The following MYO5B variants were observed in gnomAD, a reference collection of about 807,000 sequenced individuals.
MYO5B encodes the protein myosin VB, also known as unconventional myosin-Vb.
A neutral mutation model predicts 229.3 loss-of-function variants in MYO5B; 143 were observed. That is an observed-to-expected ratio of 0.62 (90% confidence interval 0.54 to 0.72). MYO5B has a LOEUF of 0.72. Among genes scored for constraint, MYO5B ranks in the 30% least tolerant of loss-of-function variants. The pLI, the probability that MYO5B is intolerant of heterozygous loss-of-function variation, is 0.00. For synonymous variants in MYO5B, 918 were observed against 885.2 expected (o/e 1.04, Z -0.66); for missense variants, 2,321 against 2,331.0 (o/e 1.00, Z 0.09).
At position 50,122,633 on chromosome 18, in the gene MYO5B, GGGAGAGAGAGA is replaced by G. The variant is rs1240840736; in HGVS notation, c.28-67266_28-67256del. ...AAGAGAGGGAGGGAGGGAAGGGGGG[GGGAGAGAGAGA>G]GAGAGAGAGAGAGAGAGAGAGAGAG... On this transcript the variant is annotated intron_variant, in intron 1 of 39. Transcript: ENST00000285039. 2.6e-4 allele frequency among the ~76,000 whole-genome samples: 14 copies of G among 53,752 alleles called. 1 individual carries two copies. Among genetic ancestry groups the G allele is most frequent in the African/African-American group, 1.1e-3 (14 of 13,086 alleles). 35.3% of individuals were successfully genotyped at this position (53,752 alleles called of 152,430 possible). A position where few individuals can be genotyped will look rare whatever the true frequency, so the allele number is the denominator to read the frequency against.
chr18:49,857,965 G>C (rs2024282684), intron 29 of MYO5B, among the ~76,000 whole-genome samples: 1 of 152,212 alleles, frequency 6.6e-6, no homozygotes, highest in African/African-American at 2.4e-5. Context: ...TTTCCAGGCA[G>C]GAATAATGGA....
intron 1 of MYO5B, among the ~76,000 whole-genome samples, chr18:50,067,689 T>C (rs1338107472): frequency 2.0e-5 from 3 of 152,170 alleles, no homozygotes; most frequent in Admixed American, 6.5e-5. Flanking sequence ...TCTCTTGCCA[T>C]GTGATCTCCA....
chr18:50,110,660 T>C (rs1417160632), intron 1 of MYO5B, among the ~76,000 whole-genome samples: 16 of 152,230 alleles, frequency 1.1e-4, no homozygotes, highest in African/African-American at 3.6e-4. Context: ...ATGCAGAATG[T>C]TGAAGTATAG....
At position 49,858,464 on chromosome 18, in the gene MYO5B, G is replaced by C. The variant is rs201225451; in HGVS notation, c.3945-1574C>G. On this transcript the variant is annotated intron_variant, in intron 29 of 39. Transcript: ENST00000285039. Reference sequence around the variant, plus strand: ...ACACCAGAGAGACACTGACTCCTGCGCCAGGACCCAGGGTCTCCAGACCTT... The same window carrying C: ...ACACCAGAGAGACACTGACTCCTGCCCCAGGACCCAGGGTCTCCAGACCTT... Among the ~76,000 whole-genome samples, 13 of 152,292 alleles carry C rather than the reference G, an allele frequency of 8.5e-5. No individual in the cohort carries two copies. The East Asian group carries it at 1.7e-3, about 20-fold the overall frequency.
chr18:50,015,883 T>C (rs1349864129), intron 4 of MYO5B, among the ~76,000 whole-genome samples: 1 of 152,248 alleles, frequency 6.6e-6, no homozygotes, highest in African/African-American at 2.4e-5. Flanking sequence ...TGGTAAGGGC[T>C]GATCTGGAAC....
intron 1 of MYO5B, among the ~76,000 whole-genome samples, chr18:50,063,203 C>A (rs1216230411): frequency 6.6e-6 from 1 of 152,064 alleles, no homozygotes; most frequent in Non-Finnish European, 1.5e-5. Flanking sequence ...GAGTTAACTC[C>A]TCCTCCCCCA....
At chr18:49,933,104 C>T (rs1598892460) in intron 16 of MYO5B, among the ~76,000 whole-genome samples, 1 of 152,214 alleles carries the variant, frequency 6.6e-6, no homozygotes, top group South Asian at 2.1e-4. Context: ...CAATTGCCCG[C>T]CATGGAATTG....
chr18:49,920,385 G>T (rs1365415726), intron 17 of MYO5B, among the ~76,000 whole-genome samples: 1 of 152,148 alleles, frequency 6.6e-6, no homozygotes, highest in East Asian at 1.9e-4. Flanking sequence ...CAAGTTTTCA[G>T]CTCTGAAACT....
intron 22 of MYO5B, among the ~76,000 whole-genome samples, chr18:49,892,254 C>T (rs149624854): frequency 2.0e-5 from 3 of 152,318 alleles, no homozygotes; most frequent in Non-Finnish European, 4.4e-5. Context: ...CCCGTGGAAG[C>T]GCCAAAACAA....
intron 3 of MYO5B, among the ~76,000 whole-genome samples, chr18:50,037,660 G>C (rs1338832442): frequency 6.6e-6 from 1 of 152,204 alleles, no homozygotes; most frequent in Non-Finnish European, 1.5e-5. Flanking sequence ...AGCACTTTGG[G>C]ATGCTGAGGC....
At chr18:49,841,098 T>C (rs571656295) in intron 35 of MYO5B, among the ~76,000 whole-genome samples, 43 of 152,334 alleles carry the variant, frequency 2.8e-4, no homozygotes, top group African/African-American at 8.4e-4. Context: ...AGGGCCTCTA[T>C]TGATCATGGG....
Position 49,912,887 on chromosome 18 carries a change from G to C in MYO5B, c.2091-714C>G, listed in dbSNP as rs531786368. Among the ~76,000 whole-genome samples the C allele has an allele frequency of 1.2e-3, 177 of 152,338 alleles. 1 individual carries two copies. Among genetic ancestry groups the C allele is most frequent in the African/African-American group, 3.3e-3 (137 of 41,572 alleles). ...CTAGAGCACAGCTTTATTTTCAAATGTTGGTTTTCTTATAGAATACTGCTC... is the reference window on the plus strand; with the variant it reads ...CTAGAGCACAGCTTTATTTTCAAATCTTGGTTTTCTTATAGAATACTGCTC... On this transcript the variant is annotated intron_variant, in intron 17 of 39. Transcript: ENST00000285039.
chr18:49,964,678 G>A (rs2144264476), intron 10 of MYO5B, among the ~76,000 whole-genome samples: 1 of 152,282 alleles, frequency 6.6e-6, no homozygotes, highest in Non-Finnish European at 1.5e-5. Context: ...ACATTTTTCT[G>A]TCTGACTGTA....
chr18:49,900,062 C>A (rs1242748057), intron 21 of MYO5B, among the ~76,000 whole-genome samples: 2 of 152,218 alleles, frequency 1.3e-5, no homozygotes, highest in African/African-American at 4.8e-5. Context: ...AGCCCCAAGG[C>A]TGGAAAGCAA....
At chr18:49,996,978 C>T (rs76742817) in intron 5 of MYO5B, among the ~76,000 whole-genome samples, 1 of 152,242 alleles carries the variant, frequency 6.6e-6, no homozygotes, top group East Asian at 1.9e-4. Context: ...CTTCTTTGCC[C>T]TAAAAAGCGT....
intron 1 of MYO5B, among the ~76,000 whole-genome samples, chr18:50,112,969 T>C (rs922872064): frequency 1.3e-5 from 2 of 152,212 alleles, no homozygotes; most frequent in Non-Finnish European, 2.9e-5. Flanking sequence ...AACTTTAAAA[T>C]CATTCCACAT....
At chr18:50,004,813 A>G (rs1464782345) in intron 4 of MYO5B, among the ~76,000 whole-genome samples, 3 of 152,218 alleles carry the variant, frequency 2.0e-5, no homozygotes, top group Non-Finnish European at 4.4e-5. Context: ...CTATTCTGTA[A>G]CAGCCTACAA....
chr18:49,870,905 A>G (rs1205325409), intron 27 of MYO5B, among the ~76,000 whole-genome samples: 1 of 152,232 alleles, frequency 6.6e-6, no homozygotes, highest in African/African-American at 2.4e-5. Flanking sequence ...AAAAATTAAT[A>G]ATAGGATGGC....
At position 49,908,466 on chromosome 18, in the gene MYO5B, A is replaced by G. The variant is rs533981653; in HGVS notation, c.2203-1836T>C. On this transcript the variant is annotated intron_variant, in intron 18 of 39. Coordinates refer to ENST00000285039, the MANE Select transcript of MYO5B (RefSeq NM_001080467.3). ...CACAGATGATAAAACTGAAGCCTAG[A>G]GTAGTGAAGTGACTTGCTCAAGGTG... Among the ~76,000 whole-genome samples the G allele has an allele frequency of 1.5e-4, 23 of 152,240 alleles. No individual in the cohort carries two copies. In the South Asian group the frequency reaches 4.8e-3, roughly 32 times the overall value.
Sources: allele counts gnomAD v4.1 joint callset (sites outside exome capture counted in the v4.1 genomes callset), GRCh38; gene constraint gnomAD v4.1.1; transcripts MANE v1.5; gene names NCBI Gene and HGNC (gene_info 2026-07-23, HGNC 2026-07-21).